The following LRTM1 variants were observed in gnomAD, a reference collection of about 807,000 sequenced individuals.
The protein encoded by LRTM1 is leucine rich repeat transmembrane protein 1.
LRTM1 carries 38 observed loss-of-function variants against 32.4 expected under a neutral mutation model. The ratio of observed to expected loss-of-function variants is 1.17; its 90% confidence interval spans 0.91 to 1.54. The LOEUF (loss-of-function observed/expected upper bound fraction) is 1.54. Among genes scored for constraint, LRTM1 ranks in the 40% most tolerant of loss-of-function variants. The pLI, the probability that LRTM1 is intolerant of heterozygous loss-of-function variation, is 0.00. For missense variants in LRTM1, 466 were observed against 415.4 expected (o/e 1.12, Z -1.06); for synonymous variants, 186 against 169.9 (o/e 1.09, Z -0.74).
chr3:54,940,604 TC>T (rs1287894945), intron 1 of LRTM1, among the ~76,000 whole-genome samples: 18 of 152,176 alleles, frequency 1.2e-4, no homozygotes, highest in Non-Finnish European at 1.3e-4. Context: ...TACAGGCTAC[TC>T]CCAAACTGTC....
At chr3:54,927,420 A>C (rs1182613148) in intron 1 of LRTM1, among the ~76,000 whole-genome samples, 1 of 152,186 alleles carries the variant, frequency 6.6e-6, no homozygotes, top group Non-Finnish European at 1.5e-5. Context: ...TCAAAGCCAA[A>C]ACATCTTCCC....
At chr3:54,929,587 A>G (rs900078105), upstream of LRTM1, among the ~76,000 whole-genome samples, 1 of 152,138 alleles carries the variant, frequency 6.6e-6, no homozygotes, top group African/African-American at 2.4e-5. Flanking sequence ...TGCCTCTTCC[A>G]GAAAGCCCAC....
Position 54,920,559 on chromosome 3 carries a change from A to G in LRTM1, c.605-1667T>C, listed in dbSNP as rs566130447. 7.2e-5 allele frequency among the ~76,000 whole-genome samples: 11 copies of G among 152,350 alleles called. No individual in the cohort carries two copies. The South Asian group carries it at 1.9e-3, about 26-fold the overall frequency. On this transcript the variant is annotated intron_variant, in intron 2 of 2. Transcript: ENST00000273286. The stretch of plus-strand genomic sequence containing the variant: ...GCCAGAGGTTCAGAGCAGCTGCTCC[A>G]GATGAGTTCAAAGTGCCATTGAGAT...
chr3:54,965,304 A>T (rs1702123498), intron 1 of LRTM1, among the ~76,000 whole-genome samples: 1 of 152,190 alleles, frequency 6.6e-6, no homozygotes, highest in African/African-American at 2.4e-5. Flanking sequence ...CAGCCTGAAC[A>T]ACTGGGTCCC....
intron 1 of LRTM1, among the ~76,000 whole-genome samples, chr3:54,946,665 G>C (rs998261811): frequency 1.3e-5 from 2 of 152,046 alleles, no homozygotes; most frequent in African/African-American, 4.8e-5. Context: ...TGCAAACCTG[G>C]GGGGAGCTAG....
intron 2 of LRTM1, among the ~76,000 whole-genome samples, 194 bp from the exon 3 acceptor site, chr3:54,919,086 A>C (rs1460469036): frequency 6.6e-6 from 1 of 152,160 alleles, no homozygotes; most frequent in Non-Finnish European, 1.5e-5. Flanking sequence ...TAAAAATGCC[A>C]CACACTAAAT....
chr3:54,941,517 C>T (rs998408716), intron 1 of LRTM1, among the ~76,000 whole-genome samples: 2 of 152,076 alleles, frequency 1.3e-5, no homozygotes, highest in African/African-American at 4.8e-5. Flanking sequence ...TTTTATAATG[C>T]CGGGATTATG....
intron 1 of LRTM1, among the ~76,000 whole-genome samples, chr3:54,962,957 A>G (rs1702066893): frequency 6.6e-6 from 1 of 152,178 alleles, no homozygotes; most frequent in Admixed American, 6.5e-5. Flanking sequence ...CTAATTTTAT[A>G]TGTTTTATTT....
intron 2 of LRTM1, among the ~76,000 whole-genome samples, chr3:54,922,805 C>G (rs1218224714): frequency 6.6e-6 from 1 of 152,166 alleles, no homozygotes; most frequent in Non-Finnish European, 1.5e-5. Flanking sequence ...ACCACCTCCC[C>G]AACACACTCA....
At chr3:54,958,072 A>G (rs1269199675) in intron 1 of LRTM1, among the ~76,000 whole-genome samples, 1 of 152,252 alleles carries the variant, frequency 6.6e-6, no homozygotes, top group Non-Finnish European at 1.5e-5. Flanking sequence ...CTGTGCTGGT[A>G]GCTTCTCTAG....
At position 54,927,953 on chromosome 3, in the gene LRTM1, T is replaced by C; in HGVS notation, c.-42A>G. ...GCGTCCTTGCTGACCTCGTAGACCC[T>C]TTAATTAATGTGCAGAGCAACACAC... On this transcript the variant is annotated 5_prime_UTR_variant, in exon 1 of 3. Coordinates refer to ENST00000273286, the MANE Select transcript of LRTM1 (RefSeq NM_020678.4). 1 of 1,606,504 alleles carries C rather than the reference T, an allele frequency of 6.2e-7. No homozygotes were observed. The highest frequency in any genetic ancestry group is 8.5e-7 in the Non-Finnish European group (1 of 1,173,304).
chr3:54,940,434 C>T (rs1225475924), intron 1 of LRTM1, among the ~76,000 whole-genome samples: 1 of 152,164 alleles, frequency 6.6e-6, no homozygotes, highest in Non-Finnish European at 1.5e-5. Context: ...TAAACTGTTC[C>T]TCACTGATAT....
At chr3:54,946,103 A>T (rs914675253) in intron 1 of LRTM1, among the ~76,000 whole-genome samples, 11 of 152,218 alleles carry the variant, frequency 7.2e-5, no homozygotes, top group Admixed American at 5.9e-4. Context: ...AAAAAGCAGT[A>T]TGCATTGATG....
intron 1 of LRTM1, among the ~76,000 whole-genome samples, chr3:54,948,555 C>T (rs1290449880): frequency 1.3e-5 from 2 of 152,124 alleles, no homozygotes; most frequent in African/African-American, 4.8e-5. Flanking sequence ...TCAGCTAACT[C>T]GGTACAACTG....
upstream of LRTM1, among the ~76,000 whole-genome samples, chr3:54,929,372 G>A (rs564491952): frequency 8.7e-4 from 132 of 152,324 alleles, no homozygotes; most frequent in African/African-American, 3.1e-3. Flanking sequence ...CCGGTCAGCA[G>A]GAGGAATGTC....
intron 1 of LRTM1, among the ~76,000 whole-genome samples, chr3:54,957,762 G>A (rs565968127): frequency 3.3e-5 from 5 of 152,188 alleles, no homozygotes; most frequent in African/African-American, 4.8e-5. Flanking sequence ...ATGCCAGTCC[G>A]TCTGTCATCT....
At chr3:54,958,957 G>C (rs994332230) in intron 1 of LRTM1, among the ~76,000 whole-genome samples, 1 of 151,860 alleles carries the variant, frequency 6.6e-6, no homozygotes, top group Non-Finnish European at 1.5e-5. Context: ...CACAAAAATT[G>C]AGGCATGGTG....
intron 1 of LRTM1, among the ~76,000 whole-genome samples, chr3:54,941,899 G>A (rs1701477191): frequency 6.6e-6 from 1 of 152,162 alleles, no homozygotes; most frequent in African/African-American, 2.4e-5. Context: ...TAGTAAAAAT[G>A]GAAACTGCTC....
At chr3:54,920,506 C>T (rs1700812581) in intron 2 of LRTM1, among the ~76,000 whole-genome samples, 2 of 152,294 alleles carry the variant, frequency 1.3e-5, no homozygotes, top group Non-Finnish European at 2.9e-5. Context: ...GGAATTTCTT[C>T]CTTTTTTGAG....
Sources: allele counts gnomAD v4.1 joint callset (sites outside exome capture counted in the v4.1 genomes callset), GRCh38; gene constraint gnomAD v4.1.1; transcripts MANE v1.5; gene names NCBI Gene and HGNC (gene_info 2026-07-23, HGNC 2026-07-21).